HDLBP: variants seen among roughly 807,000 people sequenced by gnomAD.
HDLBP encodes the protein vigilin.
In HDLBP, 30 loss-of-function variants were observed where a neutral mutation model predicts 137.3. The ratio of observed to expected loss-of-function variants is 0.22; its 90% CI spans 0.16 to 0.30. The LOEUF (loss-of-function observed/expected upper bound fraction) is 0.30. HDLBP is among the 10% of genes least tolerant of loss of function. The probability of loss-of-function intolerance (pLI) is 1.00; values close to 1 mark genes in which losing one functional copy is unlikely to be tolerated. For missense variants in HDLBP, 1,119 were observed against 1,667.3 expected, an observed-to-expected ratio of 0.67 and a Z score of 5.73; for synonymous variants, 606 against 596.0, an observed-to-expected ratio of 1.02 and a Z score of -0.24.
chr2:241,294,451 T>C (rs2075109595), intron 1 of HDLBP, among the ~76,000 whole-genome samples: 2 of 152,186 alleles, frequency 1.3e-5, no homozygotes, highest in African/African-American at 4.8e-5. Flanking sequence ...CACGTAAATT[T>C]CTATTTTATT....
chr2:241,254,264 T>TA (rs1202969710), intron 9 of HDLBP, among the ~76,000 whole-genome samples: 11 of 151,496 alleles, frequency 7.3e-5, no homozygotes, highest in African/African-American at 1.7e-4. Context: ...GCTTTGTCAC[T>TA]AAAAAAAAGG....
Position 241,248,048 on chromosome 2 carries a change from C to G in HDLBP, c.1686G>C (p.Glu562Asp). 6.2e-7 allele frequency: 1 copy of G among 1,614,138 alleles called. No homozygotes were observed. Among genetic ancestry groups the G allele is most frequent in the Non-Finnish European group, 8.5e-7 (1 of 1,179,998 alleles). Residue 562 changes from glutamate (E) to aspartate (D), a missense_variant, in exon 14 of 28, where the codon GAG becomes GAC. By Grantham distance (45) the Glu-to-Asp change is conservative (BLOSUM62 2). Around this residue, in one of 4 missense-constraint regions of HDLBP, gnomAD observed 425 missense variants for 693.9 expected, o/e 0.61. Transcript: ENST00000310931. ...DIVQLRGPKNEVEKCTKYMQK... is the reference protein window; with the variant it reads ...DIVQLRGPKNDVEKCTKYMQK... ...GCATGTATTTTGTGCATTTTTCCAC[C>G]TCATTCTTAGGTCCTCTGAGCTGGA...
rs1490281928 is a variant in HDLBP at position 241,255,379 on chromosome 2, C to T, written c.1075G>A (p.Ala359Thr). The T allele has an allele frequency of 6.2e-7, 1 of 1,613,906 alleles. No individual in the cohort carries two copies. The highest frequency in any genetic ancestry group is 8.5e-7 in the Non-Finnish European group (1 of 1,179,778). Reference sequence around the variant, plus strand: ...TCATGCTCGGAGGCAGTTACCTTGGCATAGACTTCAGTCAACGCCTGACCT... The same window carrying T: ...TCATGCTCGGAGGCAGTTACCTTGGTATAGACTTCAGTCAACGCCTGACCT... ...KLGQALTEVYAKANSFTVSSV... is the reference protein window; with the variant it reads ...KLGQALTEVYTKANSFTVSSV... The change falls in exon 8 of 28, where the codon GCC becomes ACC. Residue 359 changes from alanine (A) to threonine (T), a missense_variant. This residue lies in a region of HDLBP where 425 missense variants were observed against 693.9 expected (regional missense o/e 0.61). Transcript: ENST00000310931.
intron 5 of HDLBP, among the ~76,000 whole-genome samples, chr2:241,259,519 G>GACAGGCTCTT (rs144426547): frequency 6.6e-6 from 1 of 151,792 alleles, no homozygotes; most frequent in Non-Finnish European, 1.5e-5. Context: ...CCTTTTCTGG[G>GACAGGCTCTT]ACTCTGTCAC....
chr2:241,268,108 G>C (rs181871735), intron 2 of HDLBP, among the ~76,000 whole-genome samples: 2 of 152,094 alleles, frequency 1.3e-5, no homozygotes, highest in Middle Eastern at 3.2e-3. Flanking sequence ...AAGTAATAAG[G>C]AGTGAATTTT....
chr2:241,258,806 T>C (rs1233047064), intron 5 of HDLBP, among the ~76,000 whole-genome samples: 1 of 152,152 alleles, frequency 6.6e-6, no homozygotes, highest in Non-Finnish European at 1.5e-5. Flanking sequence ...TAAAGTATAT[T>C]TGGTTGCCTC....
chr2:241,300,556 A>C (rs183996140), intron 1 of HDLBP, among the ~76,000 whole-genome samples: 1 of 152,318 alleles, frequency 6.6e-6, no homozygotes, highest in African/African-American at 2.4e-5. Context: ...TAAGAAGAAG[A>C]ATCCTAATGC....
At chr2:241,259,038 T>C (rs1164045793) in intron 5 of HDLBP, among the ~76,000 whole-genome samples, 1 of 152,130 alleles carries the variant, frequency 6.6e-6, no homozygotes, top group African/African-American at 2.4e-5. Flanking sequence ...TGTAACATAA[T>C]TTGTAACAGC....
intron 1 of HDLBP, among the ~76,000 whole-genome samples, chr2:241,278,342 G>C (rs1397720612): frequency 6.6e-6 from 1 of 152,212 alleles, no homozygotes; most frequent in Non-Finnish European, 1.5e-5. Context: ...CCAGCACTTT[G>C]GGAGGCTGAG....
chr2:241,306,644 C>G (rs1193940294), intron 1 of HDLBP, among the ~76,000 whole-genome samples: 2 of 151,954 alleles, frequency 1.3e-5, no homozygotes, highest in Non-Finnish European at 2.9e-5. Context: ...GTGGCTCATG[C>G]CTATTATCAC....
rs1206072635 is a variant in HDLBP at position 241,246,894 on chromosome 2, A to G, written c.1819-11T>C. On this transcript the variant is annotated splice_polypyrimidine_tract_variant and intron_variant, in intron 15 of 27. Transcript: ENST00000310931. Reference sequence around the variant, plus strand: ...GCTTTCTTCACGAATCTACAGGGAGAGAGATCACCATGAGAAGCTGACTAG... The same window carrying G: ...GCTTTCTTCACGAATCTACAGGGAGGGAGATCACCATGAGAAGCTGACTAG... The G allele has an allele frequency of 5.0e-6, 8 of 1,613,870 alleles. No individual in the cohort carries two copies.
At position 241,272,936 on chromosome 2, in the gene HDLBP, G is replaced by A. The variant is rs1245081917; in HGVS notation, c.-102-4395C>T. 29 of 853,380 alleles carry A rather than the reference G, an allele frequency of 3.4e-5. No homozygotes were observed. Among genetic ancestry groups the A allele is most frequent in the Non-Finnish European group, 3.9e-5 (28 of 709,462 alleles). 52.9% of individuals were successfully genotyped at this position (853,380 alleles called of 1,614,324 possible). ...CGCCGCTGGGGTCCCCGCCGCCCCG[G>A]GCCGCCCAGCACCCGGGAGGCCCAC... is the stretch of plus-strand genomic sequence containing the variant. On this transcript the variant is annotated intron_variant, in intron 1 of 27. Transcript: ENST00000310931. The surrounding 1 kb of genome is among the most constrained non-coding windows in gnomAD (Gnocchi z 5.6).
intron 1 of HDLBP, among the ~76,000 whole-genome samples, chr2:241,314,531 G>A (rs999563726): frequency 1.3e-5 from 2 of 152,114 alleles, no homozygotes; most frequent in African/African-American, 2.4e-5. Context: ...AAAACTGAGG[G>A]GCAAATCGTC....
rs750456889 is a variant in HDLBP at position 241,235,203 on chromosome 2, G to T, written c.3062C>A (p.Thr1021Lys). ...PELQSDIIAI[T>K]GLAANLDRAK... ...CCGGTCCAAATTTGCAGCGAGGCCCGTGATGGCGATGATGTCAGACTGCAG... is the reference window on the plus strand; with the variant it reads ...CCGGTCCAAATTTGCAGCGAGGCCCTTGATGGCGATGATGTCAGACTGCAG... Residue 1021 changes from threonine (T) to lysine (K), a missense_variant, in exon 23 of 28, where the codon ACG becomes AAG. Around this residue, in one of 4 missense-constraint regions of HDLBP, gnomAD observed 618 missense variants for 816.7 expected, o/e 0.76. Transcript: ENST00000310931. 1.2e-6 allele frequency: 2 copies of T among 1,614,086 alleles called. No individual in the cohort carries two copies. The highest frequency in any genetic ancestry group is 1.7e-6 in the Non-Finnish European group (2 of 1,180,052).
chr2:241,240,277 C>T lies in HDLBP; in HGVS notation c.2170-155G>A, dbSNP rs1574878700. The T allele has an allele frequency of 2.9e-6, 2 of 695,602 alleles. No individual in the cohort carries two copies. The highest frequency in any genetic ancestry group is 5.2e-6 in the Non-Finnish European group (2 of 386,030). 43.1% of individuals were successfully genotyped at this position (695,602 alleles called of 1,614,324 possible). On this transcript the variant is annotated intron_variant, in intron 17 of 27. Transcript: ENST00000310931. The surrounding 1 kb of genome is among the most constrained non-coding windows in gnomAD (Gnocchi z 5.5). The stretch of plus-strand genomic sequence containing the variant: ...CAATACCCCCAAAATGGGGCTAGCA[C>T]ACCTCACTGAATAAACAGATGAATA...
intron 1 of HDLBP, among the ~76,000 whole-genome samples, chr2:241,271,714 A>AC (rs375330509): frequency 5.9e-5 from 9 of 152,316 alleles, no homozygotes; most frequent in African/African-American, 1.9e-4. Flanking sequence ...ACCAGACAGG[A>AC]CCGGGTATGG....
intron 1 of HDLBP, among the ~76,000 whole-genome samples, chr2:241,314,692 A>G (rs1429602559): frequency 6.6e-6 from 1 of 152,164 alleles, no homozygotes; most frequent in Non-Finnish European, 1.5e-5. Flanking sequence ...TCATTTTTTA[A>G]GTCGAATGGA....
At chr2:241,314,860 G>A (rs767788295) in intron 1 of HDLBP, among the ~76,000 whole-genome samples, 3 of 152,134 alleles carry the variant, frequency 2.0e-5, no homozygotes, top group African/African-American at 4.8e-5. Flanking sequence ...CTCTAAGCGG[G>A]GGAAACCTAG....
chr2:241,309,089 G>A (rs1345320524), intron 1 of HDLBP, among the ~76,000 whole-genome samples: 1 of 152,140 alleles, frequency 6.6e-6, no homozygotes, highest in East Asian at 1.9e-4. Context: ...TGGCTTGTTT[G>A]CTCATCTCAA....
Sources: gnomAD v4.1 joint callset for allele counts (sites outside exome capture counted in the v4.1 genomes callset) on GRCh38, gnomAD v4.1.1 for gene constraint, gnomAD v4.1.1 regional missense constraint, Gnocchi (gnomAD v3.1) non-coding constraint, MANE v1.5 for transcripts, NCBI Gene and HGNC (gene_info 2026-07-23, HGNC 2026-07-21) for gene names.